The following ALK variants were observed in gnomAD, a reference collection of about 807,000 sequenced individuals.
ALK encodes the protein ALK tyrosine kinase receptor.
Under a neutral mutation model 163.1 loss-of-function variants are expected in ALK, and 74 were observed. The ratio of observed to expected loss-of-function variants is 0.45; its 90% CI spans 0.38 to 0.55. ALK has a LOEUF of 0.55. Ranked by LOEUF, ALK falls within the 20% of genes least tolerant of loss-of-function variation. The pLI is 0.00. For missense variants in ALK, 2,063 were observed against 2,105.3 expected (o/e 0.98, Z 0.39); for synonymous variants, 960 against 843.2 (o/e 1.14, Z -2.40).
intron 1 of ALK, among the ~76,000 whole-genome samples, chr2:29,729,972 G>A (rs1009929098): frequency 1.3e-5 from 2 of 152,198 alleles, no homozygotes; most frequent in Non-Finnish European, 2.9e-5. Flanking sequence ...AGTATATCGA[G>A]GAGAAGGGAA....
At chr2:29,280,111 G>A (rs1396942516) in intron 9 of ALK, among the ~76,000 whole-genome samples, 1 of 151,380 alleles carries the variant, frequency 6.6e-6, no homozygotes, top group Non-Finnish European at 1.5e-5. Flanking sequence ...CTGCTGTGGG[G>A]CTGTGGGAAA....
chr2:29,375,459 C>T (rs947229859), intron 5 of ALK, among the ~76,000 whole-genome samples: 8 of 152,258 alleles, frequency 5.3e-5, no homozygotes, highest in Admixed American at 3.9e-4. Context: ...GCTGGGACTA[C>T]AGGCGCCCAC....
chr2:29,266,082 C>T (rs947384992), intron 11 of ALK, among the ~76,000 whole-genome samples: 1 of 152,210 alleles, frequency 6.6e-6, no homozygotes, highest in African/African-American at 2.4e-5. Flanking sequence ...TTTTCGTGAA[C>T]AAGGTTTTGA....
At chr2:29,371,316 C>A (rs181029353) in intron 5 of ALK, among the ~76,000 whole-genome samples, 117 of 152,376 alleles carry the variant, frequency 7.7e-4, no homozygotes, top group East Asian at 3.9e-4. Flanking sequence ...CAAATCCCAG[C>A]AGTACACTTT....
chr2:29,889,059 A>G (rs1667064981), intron 1 of ALK, among the ~76,000 whole-genome samples: 1 of 152,230 alleles, frequency 6.6e-6, no homozygotes, highest in Non-Finnish European at 1.5e-5. Flanking sequence ...AAAACCACTG[A>G]GTAGAAGTTA....
chr2:29,388,624 A>T (rs1669088894), intron 4 of ALK, among the ~76,000 whole-genome samples: 1 of 152,218 alleles, frequency 6.6e-6, no homozygotes, highest in South Asian at 2.1e-4. Context: ...TTTGAGAAGG[A>T]TGCATGCAGA....
intron 1 of ALK, among the ~76,000 whole-genome samples, chr2:29,758,312 C>A (rs1303175079): frequency 1.3e-5 from 2 of 152,096 alleles, no homozygotes; most frequent in African/African-American, 4.8e-5. Context: ...TTGGGGAGCA[C>A]TGGGGGTGGC....
intron 8 of ALK, among the ~76,000 whole-genome samples, chr2:29,299,166 A>T (rs1042399024): frequency 6.6e-6 from 1 of 152,172 alleles, no homozygotes; most frequent in African/African-American, 2.4e-5. Flanking sequence ...CATGTCCTTT[A>T]TAACTCTTTG....
At chr2:29,657,922 T>C (rs934080157) in intron 3 of ALK, among the ~76,000 whole-genome samples, 2 of 152,074 alleles carry the variant, frequency 1.3e-5, no homozygotes, top group African/African-American at 2.4e-5. Flanking sequence ...AGCAAGTTAA[T>C]TAATTTTTGC....
chr2:29,196,067 GGA>G (rs1209008612), intron 28 of ALK, among the ~76,000 whole-genome samples: 1 of 152,092 alleles, frequency 6.6e-6, no homozygotes, highest in Non-Finnish European at 1.5e-5. Context: ...TGAAAATGAG[GGA>G]GAGAAGCAAA....
intron 4 of ALK, among the ~76,000 whole-genome samples, chr2:29,492,114 A>C (rs1438067541): frequency 6.6e-6 from 1 of 152,200 alleles, no homozygotes; most frequent in Non-Finnish European, 1.5e-5. Flanking sequence ...GTCTGGCTCA[A>C]AGAATATGCC....
At chr2:29,314,177 CT>C (rs1210754656) in intron 8 of ALK, among the ~76,000 whole-genome samples, 6 of 152,130 alleles carry the variant, frequency 3.9e-5, no homozygotes, top group Admixed American at 3.9e-4. Context: ...GAAAAATTCC[CT>C]GCCTTCGGGT....
At chr2:29,292,385 G>A (rs2339468) in intron 9 of ALK, among the ~76,000 whole-genome samples, 2 of 152,070 alleles carry the variant, frequency 1.3e-5, no homozygotes, top group Non-Finnish European at 2.9e-5. Context: ...AAGATATATA[G>A]AGAGAGGAAA....
intron 3 of ALK, among the ~76,000 whole-genome samples, chr2:29,684,773 A>C (rs1422658293): frequency 6.6e-6 from 1 of 152,212 alleles, no homozygotes; most frequent in Admixed American, 6.5e-5. Context: ...CCTGGGAAGC[A>C]CTGTGCTTTA....
At chr2:29,481,308 C>T (rs1573390118) in intron 4 of ALK, among the ~76,000 whole-genome samples, 1 of 152,300 alleles carries the variant, frequency 6.6e-6, no homozygotes, top group South Asian at 2.1e-4. Context: ...ATATATTTGG[C>T]TTTAAGCAAC....
intron 7 of ALK, among the ~76,000 whole-genome samples, chr2:29,319,877 C>T (rs548650369): frequency 2.0e-5 from 3 of 152,248 alleles, no homozygotes; most frequent in Non-Finnish European, 4.4e-5. Context: ...AACAAATAAG[C>T]ATTGGAGGGT....
At chr2:29,429,092 A>G (rs1670213235) in intron 4 of ALK, among the ~76,000 whole-genome samples, 1 of 152,004 alleles carries the variant, frequency 6.6e-6, no homozygotes, top group Non-Finnish European at 1.5e-5. Flanking sequence ...AGTAATAGTA[A>G]GAAATGTTCC....
chr2:29,465,115 A>G (rs1671177604), intron 4 of ALK, among the ~76,000 whole-genome samples: 1 of 152,222 alleles, frequency 6.6e-6, no homozygotes, highest in Non-Finnish European at 1.5e-5. Flanking sequence ...AGAAAATTAC[A>G]TCAAGATCCA....
chr2:29,311,615 C>T (rs889815515), intron 8 of ALK, among the ~76,000 whole-genome samples: 13 of 152,202 alleles, frequency 8.5e-5, no homozygotes, highest in African/African-American at 2.2e-4. Context: ...GACTTCCTCC[C>T]TGCCTTGAGT....
Sources: allele counts gnomAD v4.1 joint callset (sites outside exome capture counted in the v4.1 genomes callset), GRCh38; gene constraint gnomAD v4.1.1; transcripts MANE v1.5; gene names NCBI Gene and HGNC (gene_info 2026-07-23, HGNC 2026-07-21).